The following NRG1 variants were observed in gnomAD, a reference collection of about 807,000 sequenced individuals.
NRG1 encodes the protein neuregulin 1, also known as pro-neuregulin-1, membrane-bound isoform.
A neutral mutation model predicts 63.8 loss-of-function variants in NRG1; 18 were observed. The observed-to-expected ratio is 0.28, with a 90% CI of 0.19 to 0.42. The LOEUF is 0.42. Ranked by LOEUF, NRG1 falls within the 10% of genes least tolerant of loss-of-function variation. The probability of loss-of-function intolerance (pLI) is 1.00; values close to 1 mark genes in which losing one functional copy is unlikely to be tolerated. For synonymous variants in NRG1, 302 were observed against 301.3 expected, an observed-to-expected ratio of 1.00 and a Z score of -0.02; for missense variants, 762 against 814.7, an observed-to-expected ratio of 0.94 and a Z score of 0.79.
intron 1 of NRG1, among the ~76,000 whole-genome samples, chr8:32,390,880 T>G (rs1351230781): frequency 2.0e-5 from 3 of 151,560 alleles, no homozygotes; most frequent in African/African-American, 7.3e-5. Context: ...ATTAAGAAAA[T>G]TAAAAAAAAA....
At chr8:31,732,285 A>C (rs1474675610) in intron 1 of NRG1, among the ~76,000 whole-genome samples, 1 of 152,116 alleles carries the variant, frequency 6.6e-6, no homozygotes. Context: ...TTTGCTCATA[A>C]AAACTCTGGT....
At chr8:32,033,612 C>T (rs780242863) in intron 1 of NRG1, among the ~76,000 whole-genome samples, 2 of 152,156 alleles carry the variant, frequency 1.3e-5, no homozygotes, top group Admixed American at 6.5e-5. Context: ...TTTGTGTCCT[C>T]TCTTTTTTCC....
At chr8:31,876,168 C>T (rs1829904741) in intron 1 of NRG1, among the ~76,000 whole-genome samples, 1 of 152,188 alleles carries the variant, frequency 6.6e-6, no homozygotes, top group Non-Finnish European at 1.5e-5. Context: ...ACAATCTTGA[C>T]CTATTGCTTA....
intron 1 of NRG1, among the ~76,000 whole-genome samples, chr8:31,672,552 T>G (rs910415529): frequency 2.0e-5 from 3 of 151,888 alleles, no homozygotes; most frequent in Non-Finnish European, 4.4e-5. Context: ...ACAGGAAAAT[T>G]GAGGTTGTGT....
At chr8:32,037,155 CTGTT>C (rs1819203592) in intron 1 of NRG1, among the ~76,000 whole-genome samples, 2 of 152,154 alleles carry the variant, frequency 1.3e-5, no homozygotes, top group South Asian at 4.1e-4. Context: ...TCCTGGCTTT[CTGTT>C]TGTTTTTCTT....
chr8:31,900,865 T>G (rs1832018522), intron 1 of NRG1, among the ~76,000 whole-genome samples: 1 of 152,152 alleles, frequency 6.6e-6, no homozygotes, highest in Non-Finnish European at 1.5e-5. Flanking sequence ...CTAAACAGAT[T>G]TAAGATAAGA....
chr8:31,991,387 T>TTCTGCTTCTTCTTCA (rs71208158), intron 1 of NRG1, among the ~76,000 whole-genome samples: 1 of 151,580 alleles, frequency 6.6e-6, no homozygotes, highest in Non-Finnish European at 1.5e-5. Flanking sequence ...CCTCTTCTTC[T>TTCTGCTTCTTCTTCA]GCTGCTTCTT....
At chr8:32,315,446 T>C (rs1412185884) in intron 1 of NRG1, among the ~76,000 whole-genome samples, 2 of 152,232 alleles carry the variant, frequency 1.3e-5, no homozygotes, top group Non-Finnish European at 2.9e-5. Flanking sequence ...TTCTATGGTA[T>C]ATATGTACCA....
chr8:32,627,834 T>C (rs1286133400), intron 5 of NRG1, among the ~76,000 whole-genome samples: 1 of 152,178 alleles, frequency 6.6e-6, no homozygotes, highest in African/African-American at 2.4e-5. Flanking sequence ...AAAATTCATG[T>C]ATTAAGAGCA....
At position 31,830,355 on chromosome 8, in the gene NRG1, TTCCTTCCCTCCTTCCC is replaced by T. The variant is rs71539994; in HGVS notation, c.37+190947_37+190962del. 7.6e-4 allele frequency among the ~76,000 whole-genome samples: 68 copies of T among 89,332 alleles called. No homozygotes were observed. In the Middle Eastern group the frequency reaches 0.033, roughly 43 times the overall value. The allele number at this position is 89,332 out of a possible 152,430, so 58.6% of individuals were successfully genotyped here. On this transcript the variant is annotated intron_variant, in intron 1 of 10. Transcript: ENST00000519301. The stretch of plus-strand genomic sequence containing the variant: ...CTTCCTTCCTTCCTTCCTTCCTTCC[TTCCTTCCCTCCTTCCC>T]TCCTTCCCTCCTTCCCTCCTTCTTT...
intron 1 of NRG1, among the ~76,000 whole-genome samples, chr8:32,077,072 A>T (rs1034584189): frequency 2.0e-5 from 3 of 151,934 alleles, no homozygotes; most frequent in Admixed American, 6.6e-5. Context: ...TCTCTCTTTT[A>T]AAAAAAATTG....
chr8:32,508,945 C>T (rs919150551), intron 1 of NRG1, among the ~76,000 whole-genome samples: 14 of 151,782 alleles, frequency 9.2e-5, no homozygotes, highest in South Asian at 2.1e-4. Flanking sequence ...ATGTTGGCAA[C>T]GCTAGTCTCG....
intron 1 of NRG1, among the ~76,000 whole-genome samples, chr8:32,424,152 T>C (rs546507970): frequency 4.9e-4 from 74 of 152,258 alleles, no homozygotes; most frequent in African/African-American, 1.7e-3. Flanking sequence ...CTTTTTCCTT[T>C]GGGTTTCTCA....
intron 1 of NRG1, among the ~76,000 whole-genome samples, chr8:32,504,394 A>G (rs1828282357): frequency 6.6e-6 from 1 of 152,180 alleles, no homozygotes; most frequent in South Asian, 2.1e-4. Flanking sequence ...ACTTGAAAAC[A>G]TGTTGGTTAT....
rs116897793 is a variant in NRG1 at position 31,754,001 on chromosome 8, G to T, written c.37+114570G>T. Among the ~76,000 whole-genome samples the T allele has an allele frequency of 3.9e-3, 586 of 152,200 alleles. 1 individual carries two copies. The highest frequency in any genetic ancestry group is 0.02 in the Middle Eastern group (6 of 294). On this transcript the variant is annotated intron_variant, in intron 1 of 10. Transcript: ENST00000519301. ...GCTGTTTTGTTTCTAACAACTTAAA[G>T]ATGTTAAAGTATGTTGTTCACATCT... is the stretch of plus-strand genomic sequence containing the variant.
At chr8:32,208,946 A>T (rs1479212161) in intron 1 of NRG1, among the ~76,000 whole-genome samples, 1 of 152,200 alleles carries the variant, frequency 6.6e-6, no homozygotes, top group Non-Finnish European at 1.5e-5. Context: ...AATAATAAGC[A>T]TGCATAGCCT....
At chr8:32,388,935 T>A (rs1227711340) in intron 1 of NRG1, among the ~76,000 whole-genome samples, 1 of 152,242 alleles carries the variant, frequency 6.6e-6, no homozygotes, top group African/African-American at 2.4e-5. Flanking sequence ...AGGGGCATCC[T>A]TTTGTATTAG....
At chr8:31,757,670 C>A (rs772325052) in intron 1 of NRG1, among the ~76,000 whole-genome samples, 3 of 151,644 alleles carry the variant, frequency 2.0e-5, no homozygotes, top group East Asian at 1.9e-4. Context: ...GTAGGAGGAC[C>A]CTGTAGAGGG....
intron 1 of NRG1, among the ~76,000 whole-genome samples, chr8:32,062,717 G>A (rs1480926367): frequency 6.6e-6 from 1 of 151,692 alleles, no homozygotes; most frequent in East Asian, 1.9e-4. Context: ...TATTCTTTAG[G>A]TCCCATTAAA....
Sources: allele counts gnomAD v4.1 joint callset (sites outside exome capture counted in the v4.1 genomes callset), GRCh38; gene constraint gnomAD v4.1.1; transcripts MANE v1.5; gene names NCBI Gene and HGNC (gene_info 2026-07-23, HGNC 2026-07-21).